The following DHX29 variants were observed in gnomAD, a reference collection of about 807,000 sequenced individuals.
The protein encoded by DHX29 is ATP-dependent RNA helicase DHX29.
In DHX29, 79 loss-of-function variants were observed where a neutral mutation model predicts 167.9. The observed-to-expected ratio is 0.47, with a 90% CI of 0.39 to 0.57. The LOEUF (loss-of-function observed/expected upper bound fraction) is 0.57. Ranked by LOEUF, DHX29 falls within the 20% of genes least tolerant of loss-of-function variation. The pLI is 0.00. For synonymous variants in DHX29, 530 were observed against 546.0 expected (o/e 0.97, Z 0.41); for missense variants, 1,347 against 1,593.4 (o/e 0.85, Z 2.63).
intron 23 of DHX29, among the ~76,000 whole-genome samples, chr5:55,265,815 G>A (rs170779): frequency 0.87 from 131,734 of 152,160 alleles, 57,294 homozygotes; most frequent in South Asian, 0.92. Context: ...CAAAATCTAG[G>A]GGGCAGATAG....
At position 55,274,641 on chromosome 5, in the gene DHX29, G is replaced by A. The variant is rs1747014982; in HGVS notation, c.2663C>T (p.Ser888Leu). 6.2e-7 allele frequency: 1 copy of A among 1,600,182 alleles called. No homozygotes were observed. Among genetic ancestry groups the A allele is most frequent in the South Asian group, 1.1e-5 (1 of 88,388 alleles). Reference protein sequence around the residue: ...AHIQQLYDLLSNDRRFYSERY... With the variant: ...AHIQQLYDLLLNDRRFYSERY... Reference sequence around the variant, plus strand: ...TTCAGAATAAAATCTTCTATCATTTGATAGAAGATCATACAACTGCTGAAT... The same window carrying A: ...TTCAGAATAAAATCTTCTATCATTTAATAGAAGATCATACAACTGCTGAAT... The change falls in exon 16 of 27, where the codon TCA (serine) becomes TTA (leucine). Residue 888 changes from serine to leucine, a missense_variant. By Grantham distance (145) the Ser-to-Leu change is moderately radical. This residue lies in a region of DHX29 where 882 missense variants were observed against 1,082.4 expected (regional missense o/e 0.81). Coordinates refer to ENST00000251636, the MANE Select transcript of DHX29 (RefSeq NM_019030.4).
At chr5:55,285,250 C>T (rs534997549) in intron 10 of DHX29, 43 bp downstream of exon 10, 3 of 1,590,084 alleles carry the variant, frequency 1.9e-6, no homozygotes, top group South Asian at 2.3e-5. Flanking sequence ...TAATTAAATA[C>T]TGCCTTCCAC....
At chr5:55,265,563 G>C (rs963755578) in intron 23 of DHX29, among the ~76,000 whole-genome samples, 4 of 151,216 alleles carry the variant, frequency 2.6e-5, no homozygotes, top group Admixed American at 2.6e-4. Context: ...ATGGCAAATA[G>C]GAAAAAACTG....
chr5:55,263,928 C>A (rs985601417), intron 23 of DHX29, among the ~76,000 whole-genome samples: 3 of 150,990 alleles, frequency 2.0e-5, no homozygotes, highest in Non-Finnish European at 3.0e-5. Context: ...GGGAAAAAAA[C>A]CTTTTTACTT....
chr5:55,287,511 T>A (rs1469516701), intron 8 of DHX29, among the ~76,000 whole-genome samples: 1 of 152,160 alleles, frequency 6.6e-6, no homozygotes, highest in African/African-American at 2.4e-5. Flanking sequence ...GACAATTTAG[T>A]GTGGGACTAA....
At chr5:55,293,990 A>G (rs761715584) in intron 6 of DHX29, 27 bp downstream of exon 6, 5 of 1,596,852 alleles carry the variant, frequency 3.1e-6, no homozygotes, top group African/African-American at 1.4e-5. Context: ...GCATCCAGTT[A>G]GAAGCCTAAC....
chr5:55,279,253 A>T (rs1747274343), intron 12 of DHX29, among the ~76,000 whole-genome samples: 1 of 152,176 alleles, frequency 6.6e-6, no homozygotes, highest in South Asian at 2.1e-4. Context: ...AAAATCTTAA[A>T]GACACTTTTA....
intron 26 of DHX29, 49 bp downstream of exon 26, chr5:55,259,793 TGTGTAC>T: frequency 1.0e-6 from 1 of 999,430 alleles, no homozygotes. Flanking sequence ...TACATAGGTA[TGTGTAC>T]ACATACACAT....
chr5:55,266,520 G>A (rs1746581976), intron 23 of DHX29, among the ~76,000 whole-genome samples: 1 of 151,086 alleles, frequency 6.6e-6, no homozygotes, highest in Admixed American at 6.6e-5. Flanking sequence ...TGTTGGTCAG[G>A]CTGGTCTCAA....
intron 21 of DHX29, 129 bp downstream of exon 21, chr5:55,269,284 T>A: frequency 1.3e-6 from 1 of 751,358 alleles, no homozygotes; most frequent in Non-Finnish European, 2.1e-6. Context: ...TCAGGCCCTC[T>A]CGGTTTTAAT....
chr5:55,283,197 G>C lies in DHX29; in HGVS notation c.1965+6C>G, dbSNP rs1211836108. 2 of 1,571,788 alleles carry C rather than the reference G, an allele frequency of 1.3e-6. No homozygotes were observed. The highest frequency in any genetic ancestry group is 1.7e-6 in the Non-Finnish European group (2 of 1,156,978). The stretch of plus-strand genomic sequence containing the variant: ...TTCACTGAGGTGGAGTTGAATGACA[G>C]CTTACCCTTCCTCCAGGTCCATTTT... On this transcript the variant is annotated splice_donor_region_variant and intron_variant, in intron 11 of 26. Coordinates refer to ENST00000251636, the MANE Select transcript of DHX29 (RefSeq NM_019030.4).
Position 55,283,277 on chromosome 5 carries a change from G to A in DHX29, c.1891C>T (p.Arg631Ter), listed in dbSNP as rs1231749300. The stretch of plus-strand genomic sequence containing the variant: ...GCTAAACTAACTGCTGAGATTCTTC[G>A]GGGTTGGGTACAGACAATGTTACAT... ...SKCNIVCTQP[R>*]RISAVSLANR... Residue 631 changes from arginine to a stop codon, truncating the protein, a stop_gained, in exon 11 of 27, where the codon CGA becomes TGA. Transcript: ENST00000251636. LOFTEE classifies it high-confidence loss of function. The A allele has an allele frequency of 3.7e-6, 6 of 1,613,502 alleles. No individual in the cohort carries two copies. The highest frequency in any genetic ancestry group is 1.3e-5 in the African/African-American group (1 of 74,904).
rs146299371 is a variant in DHX29 at position 55,272,109 on chromosome 5, T to C, written c.2842A>G (p.Thr948Ala). 1.1e-4 allele frequency: 174 copies of C among 1,582,950 alleles called. 1 individual carries two copies. The highest frequency in any genetic ancestry group is 1.4e-4 in the Non-Finnish European group (167 of 1,163,612). Residue 948 changes from threonine (T) to alanine (A), a missense_variant, in exon 18 of 27, where the codon ACT (threonine) becomes GCT (alanine). Around this residue, in one of 3 missense-constraint regions of DHX29, gnomAD observed 882 missense variants for 1,082.4 expected, o/e 0.81. Coordinates refer to ENST00000251636, the MANE Select transcript of DHX29 (RefSeq NM_019030.4). Reference sequence around the variant, plus strand: ...TACTTATTTTCTTTTGTTCTTCCAGTATCAATTACAAATACAACATCAGGA... The same window carrying C: ...TACTTATTTTCTTTTGTTCTTCCAGCATCAATTACAAATACAACATCAGGA... ...TIPDVVFVID[T>A]GRTKENKYHE...
rs777314936 is a variant in DHX29, at chr5:55,294,069, T to C, written c.728A>G (p.Glu243Gly). ...ILRYAEQQNE[E>G]EKNENSKSLE... ...ACTTTTAGAATTCTCATTCTTTTCT[T>C]CTTCATTTTGTTGTTCAGCATATCG... The change falls in exon 6 of 27, where the codon GAA becomes GGA. Residue 243 changes from glutamate to glycine, a missense_variant. Around this residue, in one of 3 missense-constraint regions of DHX29, gnomAD observed 405 missense variants for 416.8 expected, o/e 0.97. Transcript: ENST00000251636. 1.1e-5 allele frequency: 18 copies of C among 1,608,930 alleles called. No individual in the cohort carries two copies. The highest frequency in any genetic ancestry group is 3.4e-5 in the Admixed American group (2 of 59,542).
chr5:55,287,247 C>T (rs904418177), intron 8 of DHX29, among the ~76,000 whole-genome samples: 1 of 152,164 alleles, frequency 6.6e-6, no homozygotes, highest in Admixed American at 6.5e-5. Context: ...TCAAGACCAG[C>T]CTGGCCAACG....
At chr5:55,281,276 G>A (rs1181167531) in intron 12 of DHX29, 96 bp downstream of exon 12, 5 of 1,046,976 alleles carry the variant, frequency 4.8e-6, no homozygotes, top group Non-Finnish European at 6.3e-6. Flanking sequence ...TAATAATTTA[G>A]TAAGCATAAA....
chr5:55,264,610 A>G (rs1746467144), intron 23 of DHX29, among the ~76,000 whole-genome samples: 1 of 152,270 alleles, frequency 6.6e-6, no homozygotes, highest in South Asian at 2.1e-4. Context: ...AAAAGGACTC[A>G]GCAGCCAACC....
chr5:55,264,840 T>C (rs1458268926), intron 23 of DHX29, among the ~76,000 whole-genome samples: 1 of 152,202 alleles, frequency 6.6e-6, no homozygotes, highest in Admixed American at 6.5e-5. Context: ...TTTTCTTGTA[T>C]AGACTGTACC....
chr5:55,256,622 A>G, intron 26 of DHX29, 82 bp from the exon 27 acceptor site: 1 of 1,281,400 alleles, frequency 7.8e-7, no homozygotes, highest in Non-Finnish European at 1.1e-6. Flanking sequence ...AATAAGAGGT[A>G]TATGTCACTA....
Sources: allele counts gnomAD v4.1 joint callset (sites outside exome capture counted in the v4.1 genomes callset), GRCh38; gene constraint gnomAD v4.1.1; regional missense constraint gnomAD v4.1.1; transcripts MANE v1.5; gene names NCBI Gene and HGNC (gene_info 2026-07-23, HGNC 2026-07-21).